The following USP3 variants were observed in gnomAD, a reference collection of about 807,000 sequenced individuals.
USP3 encodes ubiquitin specific peptidase 3.
In USP3, 20 loss-of-function variants were observed where a neutral mutation model predicts 72.3. The ratio of observed to expected loss-of-function variants is 0.28; its 90% CI spans 0.19 to 0.40. The LOEUF (loss-of-function observed/expected upper bound fraction) is 0.40, where lower values mean the gene tolerates loss of function less well. USP3 is among the 10% of genes least tolerant of loss of function. The probability of loss-of-function intolerance (pLI) is 1.00; values close to 1 mark genes in which losing one functional copy is unlikely to be tolerated. For missense variants in USP3, 479 were observed against 633.9 expected, an observed-to-expected ratio of 0.76 and a Z score of 2.62; for synonymous variants, 222 against 225.3, an observed-to-expected ratio of 0.99 and a Z score of 0.13.
Position 63,553,859 on chromosome 15 carries a change from A to G in USP3, c.368+61A>G. 7.5e-7 allele frequency: 1 copy of G among 1,339,706 alleles called. No homozygotes were observed. The highest frequency in any genetic ancestry group is 1.0e-6 in the Non-Finnish European group (1 of 967,672). 83.0% of individuals were successfully genotyped at this position (1,339,706 alleles called of 1,614,324 possible). A position where few individuals can be genotyped will look rare whatever the true frequency, so the allele number is the denominator to read the frequency against. On this transcript the variant is annotated intron_variant, in intron 4 of 14. Coordinates refer to ENST00000380324, the MANE Select transcript of USP3 (RefSeq NM_006537.4). This position sits in a 1 kb window ranked among gnomAD's most constrained non-coding sequence, Gnocchi z 4.2. ...GAATGGGGTTGAGGAGTCTTTTAGAATTTTTGAGTGGGGTTTTTGTTGATG... is the reference window on the plus strand; with the variant it reads ...GAATGGGGTTGAGGAGTCTTTTAGAGTTTTTGAGTGGGGTTTTTGTTGATG...
At chr15:63,590,286 A>G (rs1474088972) in intron 14 of USP3, among the ~76,000 whole-genome samples, 2 of 152,166 alleles carry the variant, frequency 1.3e-5, no homozygotes, top group Admixed American at 6.6e-5. Context: ...TCATGCTGAT[A>G]GGGTAGAGCC....
chr15:63,590,720 A>T lies in USP3; in HGVS notation c.1457A>T (p.Asn486Ile). 1 of 1,613,980 alleles carries T rather than the reference A, an allele frequency of 6.2e-7. No individual in the cohort carries two copies. The highest frequency in any genetic ancestry group is 8.5e-7 in the Non-Finnish European group (1 of 1,179,924). The change falls in exon 15 of 15, where the codon AAT (asparagine) becomes ATT (isoleucine). Residue 486 changes from asparagine (N) to isoleucine (I), a missense_variant. Transcript: ENST00000380324. Reference sequence around the variant, plus strand: ...CACGAAGGCCGCTGGTTCCACTTCAATGACAGTACTGTAACACTGACTGAC... The same window carrying T: ...CACGAAGGCCGCTGGTTCCACTTCATTGACAGTACTGTAACACTGACTGAC... ...ATHEGRWFHF[N>I]DSTVTLTDEE...
At chr15:63,540,701 G>A (rs866109472) in intron 3 of USP3, among the ~76,000 whole-genome samples, 1 of 152,128 alleles carries the variant, frequency 6.6e-6, no homozygotes, top group East Asian at 1.9e-4. Flanking sequence ...CATTAACCAG[G>A]CAGAACAATA....
At chr15:63,575,539 AGTAAGGAACCAGAGCAACTCT>A (rs1458128459) in intron 11 of USP3, among the ~76,000 whole-genome samples, 1 of 152,226 alleles carries the variant, frequency 6.6e-6, no homozygotes, top group African/African-American at 2.4e-5. Flanking sequence ...ACTACACTCC[AGTAAGGAACCAGAGCAACTCT>A]GTATATGAAA....
Position 63,504,644 on chromosome 15 carries a change from G to C in USP3, c.-96G>C. ...GCAGCCGCCGTCGGCCGAGCGCCCG[G>C]CTAGAAGCGACACCAGACGGAGCCT... On this transcript the variant is annotated 5_prime_UTR_variant, in exon 1 of 15. Coordinates refer to ENST00000380324, the MANE Select transcript of USP3 (RefSeq NM_006537.4). 8.9e-7 allele frequency: 1 copy of C among 1,117,620 alleles called. No individual in the cohort carries two copies. Among genetic ancestry groups the C allele is most frequent in the South Asian group, 1.7e-5 (1 of 57,854 alleles). The allele number at this position is 1,117,620 out of a possible 1,614,324, so 69.2% of individuals were successfully genotyped here.
intron 14 of USP3, 59 bp from the exon 15 acceptor site, chr15:63,590,600 TTG>T: frequency 7.1e-7 from 1 of 1,414,760 alleles, no homozygotes; most frequent in Non-Finnish European, 9.4e-7. Context: ...CATTATATAG[TTG>T]TACAGGTCTT....
intron 1 of USP3, among the ~76,000 whole-genome samples, chr15:63,521,080 AGCAG>A (rs1001968749): frequency 6.9e-4 from 104 of 151,456 alleles, no homozygotes; most frequent in African/African-American, 2.2e-3. Flanking sequence ...TGTAAAGAAA[AGCAG>A]GTGGGTATTT....
chr15:63,530,422 C>G (rs1056545667), intron 1 of USP3: 1 of 267,308 alleles, frequency 3.7e-6, no homozygotes, highest in African/African-American at 2.4e-5. Flanking sequence ...CCTTCCTGGG[C>G]TCAATTGATC....
intron 8 of USP3, among the ~76,000 whole-genome samples, chr15:63,564,638 T>C (rs1050505992): frequency 6.6e-6 from 1 of 152,196 alleles, no homozygotes; most frequent in African/African-American, 2.4e-5. Context: ...AATTTCCACA[T>C]TGGAATATTC....
intron 14 of USP3, among the ~76,000 whole-genome samples, chr15:63,590,193 C>CAG (rs1470771690): frequency 3.9e-5 from 6 of 152,126 alleles, no homozygotes; most frequent in African/African-American, 1.2e-4. Flanking sequence ...GTTTTCCTGG[C>CAG]ACCTACAAAG....
At chr15:63,521,850 TCTCTGATAGGC>T (rs1472965448) in intron 1 of USP3, among the ~76,000 whole-genome samples, 1 of 152,220 alleles carries the variant, frequency 6.6e-6, no homozygotes, top group Non-Finnish European at 1.5e-5. Flanking sequence ...GCATCTGTTT[TCTCTGATAGGC>T]CTCAGAGGAT....
rs562341772 is a variant in USP3 at position 63,552,490 on chromosome 15, C to G, written c.285-1225C>G. ...AAATGGTCCAGGATATAAAAGACTG[C>G]TTTTGCTCTTTGTGGAAATGTTGGG... On this transcript the variant is annotated intron_variant, in intron 3 of 14. Transcript: ENST00000380324. 2.6e-5 allele frequency among the ~76,000 whole-genome samples: 4 copies of G among 152,222 alleles called. 1 individual carries two copies. The South Asian group carries it at 8.3e-4, about 32-fold the overall frequency.
chr15:63,546,947 A>G lies in USP3; in HGVS notation c.285-6768A>G, dbSNP rs147854107. 2.1e-3 allele frequency among the ~76,000 whole-genome samples: 320 copies of G among 152,300 alleles called. 3 individuals are homozygous for G. In the East Asian group the frequency reaches 0.023, roughly 11 times the overall value. ...TTTAAACACCAATATTAGTGGGACA[A>G]TTTCCAGTTTGAAAGCTGTGTCTCA... On this transcript the variant is annotated intron_variant, in intron 3 of 14. Transcript: ENST00000380324.
intron 1 of USP3, among the ~76,000 whole-genome samples, chr15:63,509,547 G>A (rs1351925292): frequency 1.3e-5 from 2 of 152,146 alleles, no homozygotes; most frequent in African/African-American, 4.8e-5. Flanking sequence ...TGTAAATGTG[G>A]ATGGGGTAGT....
intron 7 of USP3, among the ~76,000 whole-genome samples, chr15:63,561,354 G>C (rs1341959512): frequency 6.6e-6 from 1 of 152,194 alleles, no homozygotes; most frequent in East Asian, 1.9e-4. Flanking sequence ...CTATTGGTGA[G>C]CTAATCATAC....
intron 3 of USP3, among the ~76,000 whole-genome samples, chr15:63,541,493 A>G (rs1034858286): frequency 2.0e-5 from 3 of 152,182 alleles, no homozygotes; most frequent in African/African-American, 7.2e-5. Context: ...AATATTTTGA[A>G]GTTTAAGAAG....
intron 1 of USP3, among the ~76,000 whole-genome samples, chr15:63,505,904 C>T (rs2065706891): frequency 6.6e-6 from 1 of 152,180 alleles, no homozygotes; most frequent in Admixed American, 6.5e-5. Context: ...TGTGACATGT[C>T]TCATTGTGGG....
chr15:63,547,178 C>A (rs1453139336), intron 3 of USP3, among the ~76,000 whole-genome samples: 1 of 152,144 alleles, frequency 6.6e-6, no homozygotes, highest in East Asian at 1.9e-4. Flanking sequence ...GACAGGCACT[C>A]TCACCTTAGA....
intron 3 of USP3, among the ~76,000 whole-genome samples, chr15:63,539,607 T>C (rs904669536): frequency 6.6e-6 from 1 of 152,244 alleles, no homozygotes; most frequent in Non-Finnish European, 1.5e-5. Flanking sequence ...TGCTAAAGTA[T>C]ATGTCGTTTC....
Sources: gnomAD v4.1 joint callset for allele counts (sites outside exome capture counted in the v4.1 genomes callset) on GRCh38, gnomAD v4.1.1 for gene constraint, Gnocchi (gnomAD v3.1) non-coding constraint, MANE v1.5 for transcripts, NCBI Gene and HGNC (gene_info 2026-07-23, HGNC 2026-07-21) for gene names.